The following HHIP variants were observed in gnomAD, a reference collection of about 807,000 sequenced individuals.
HHIP encodes hedgehog-interacting protein.
In HHIP, 12 loss-of-function variants were observed where a neutral mutation model predicts 74.0. The observed-to-expected ratio is 0.16, with a 90% CI of 0.10 to 0.26. HHIP has a LOEUF of 0.26. Among genes scored for constraint, HHIP ranks in the 10% least tolerant of loss-of-function variants. The probability of loss-of-function intolerance (pLI) is 1.00; values close to 1 mark genes in which losing one functional copy is unlikely to be tolerated. For missense variants in HHIP, 788 were observed against 845.0 expected, an observed-to-expected ratio of 0.93 and a Z score of 0.84; for synonymous variants, 309 against 311.6, an observed-to-expected ratio of 0.99 and a Z score of 0.09.
chr4:144,682,236 G>A (rs896164986), intron 4 of HHIP, among the ~76,000 whole-genome samples: 4 of 152,218 alleles, frequency 2.6e-5, no homozygotes, highest in Non-Finnish European at 5.9e-5. Flanking sequence ...GCAGGACAGC[G>A]AAAACTTCTC....
At chr4:144,716,972 C>T (rs1347846180) in intron 10 of HHIP, among the ~76,000 whole-genome samples, 2 of 142,968 alleles carry the variant, frequency 1.4e-5, no homozygotes, top group Non-Finnish European at 3.0e-5. Flanking sequence ...GACCTTGCTA[C>T]AAATGATTCA....
intron 4 of HHIP, among the ~76,000 whole-genome samples, chr4:144,688,581 T>C (rs1274969789): frequency 6.6e-6 from 1 of 152,224 alleles, no homozygotes; most frequent in Non-Finnish European, 1.5e-5. Flanking sequence ...TGCCTTCTAA[T>C]GTATTTAAAT....
At position 144,652,763 on chromosome 4, in the gene HHIP, A is replaced by C; in HGVS notation, c.438A>C (p.Lys146Asn). 1 of 1,602,232 alleles carries C rather than the reference A, an allele frequency of 6.2e-7. No homozygotes were observed. The highest frequency in any genetic ancestry group is 1.8e-5 in the Admixed American group (1 of 56,414). ...VLPLLCKDYC[K>N]EFFYTCRGHI... The stretch of plus-strand genomic sequence containing the variant: ...CTCTGCTCTGCAAAGACTATTGCAA[A>C]GAATTCTTTTACACTTGCCGAGGCC... The change falls in exon 2 of 13, where the codon AAA (lysine) becomes AAC (asparagine). Residue 146 changes from lysine to asparagine, a missense_variant. This residue lies in a region of HHIP where 373 missense variants were observed against 366.4 expected (regional missense o/e 1.02). Coordinates refer to ENST00000296575, the MANE Select transcript of HHIP (RefSeq NM_022475.3).
chr4:144,652,854 A>T (rs1032112988), intron 2 of HHIP, 57 bp downstream of exon 2: 1 of 1,136,100 alleles, frequency 8.8e-7, no homozygotes, highest in Non-Finnish European at 1.2e-6. Context: ...CTTGTAAGAT[A>T]CTTGTACTTA....
chr4:144,706,243 TC>T (rs1390572754), intron 4 of HHIP, among the ~76,000 whole-genome samples: 1 of 152,174 alleles, frequency 6.6e-6, no homozygotes, highest in Non-Finnish European at 1.5e-5. Flanking sequence ...CTTAAACTTG[TC>T]CTCCTAGCGG....
chr4:144,653,322 A>C (rs1200284876), intron 2 of HHIP, among the ~76,000 whole-genome samples: 1 of 152,152 alleles, frequency 6.6e-6, no homozygotes, highest in African/African-American at 2.4e-5. Context: ...GCTAGGTAGG[A>C]AGAGTGGAGT....
At position 144,652,784 on chromosome 4, in the gene HHIP, A is replaced by T; in HGVS notation, c.459A>T (p.Arg153=). ...GCAAAGAATTCTTTTACACTTGCCG[A>T]GGCCATATTCCAGGTAAGAAAAAAA... ...DYCKEFFYTC[R]GHIPGFLQTT... Residue 153 remains arginine (R), a synonymous_variant, in exon 2 of 13, where the codon CGA becomes CGT. Coordinates refer to ENST00000296575, the MANE Select transcript of HHIP (RefSeq NM_022475.3). The T allele has an allele frequency of 6.3e-7, 1 of 1,590,388 alleles. No individual in the cohort carries two copies. Among genetic ancestry groups the T allele is most frequent in the Non-Finnish European group, 8.5e-7 (1 of 1,172,088 alleles).
At chr4:144,653,044 A>G (rs1844428) in intron 2 of HHIP, among the ~76,000 whole-genome samples, 15,944 of 152,164 alleles carry the variant, frequency 0.1, 918 homozygotes, top group Middle Eastern at 0.17. Flanking sequence ...TAAGCTGGTA[A>G]TAACAGCTTA....
intron 11 of HHIP, among the ~76,000 whole-genome samples, chr4:144,723,071 A>T (rs891584549): frequency 6.6e-6 from 1 of 152,080 alleles, no homozygotes; most frequent in African/African-American, 2.4e-5. Flanking sequence ...CTTAAACCAA[A>T]TGACTTTTTT....
At chr4:144,715,250 T>C in intron 9 of HHIP, 50 bp from the exon 10 acceptor site, 1 of 1,554,912 alleles carries the variant, frequency 6.4e-7, no homozygotes, top group Non-Finnish European at 8.8e-7. Flanking sequence ...TTGTCATCAA[T>C]AAACAAAAGT....
At chr4:144,679,147 T>C (rs1481060202) in intron 4 of HHIP, among the ~76,000 whole-genome samples, 1 of 152,208 alleles carries the variant, frequency 6.6e-6, no homozygotes, top group East Asian at 1.9e-4. Context: ...TTAGTTTTTT[T>C]TTTCTATGTT....
intron 11 of HHIP, among the ~76,000 whole-genome samples, chr4:144,721,841 T>G (rs567763526): frequency 6.2e-4 from 94 of 150,830 alleles, no homozygotes; most frequent in Non-Finnish European, 1.1e-3. Flanking sequence ...AGGAGGAGGT[T>G]GCAGTGAATC....
intron 10 of HHIP, among the ~76,000 whole-genome samples, chr4:144,717,881 G>T (rs6815058): frequency 0.57 from 86,272 of 151,912 alleles, 24,728 homozygotes; most frequent in South Asian, 0.76. Flanking sequence ...CCTCAAATTA[G>T]CAATTAACGG....
Position 144,658,789 on chromosome 4 carries a change from G to C in HHIP, c.473-1G>C, listed in dbSNP as rs1437429808. The C allele has an allele frequency of 1.2e-6, 2 of 1,608,718 alleles. No homozygotes were observed. Among genetic ancestry groups the C allele is most frequent in the Non-Finnish European group, 1.7e-6 (2 of 1,177,362 alleles). ...AATGAGTCTTTTTATATTTTTTAAA[G>C]GTTTCCTTCAAACAACTGCGGATGA... On this transcript the variant is annotated splice_acceptor_variant, in intron 2 of 12. Transcript: ENST00000296575. LOFTEE classifies it high-confidence loss of function.
At chr4:144,720,834 G>T (rs1356423881) in intron 11 of HHIP, among the ~76,000 whole-genome samples, 1 of 152,082 alleles carries the variant, frequency 6.6e-6, no homozygotes. Flanking sequence ...GCCTCATGCT[G>T]TTTTGATTTG....
rs533568913 is a variant in HHIP at position 144,741,501 on chromosome 4, T to A, written c.*3544T>A. 4 of 149,318 alleles carry A rather than the reference T, an allele frequency of 2.7e-5. No individual in the cohort carries two copies. In the East Asian group the frequency reaches 6.2e-4, roughly 23 times the overall value. 9.2% of individuals were successfully genotyped at this position (149,318 alleles called of 1,614,324 possible). ...TTCAAGCAATTCTCCTGCCTCAGCC[T>A]CCCAAGTAGCTGGGATTACAGGTGC... On this transcript the variant is annotated 3_prime_UTR_variant, in exon 13 of 13. Transcript: ENST00000296575.
At chr4:144,729,322 G>T (rs1284042021) in intron 11 of HHIP, among the ~76,000 whole-genome samples, 1 of 152,188 alleles carries the variant, frequency 6.6e-6, no homozygotes, top group Admixed American at 6.6e-5. Context: ...TTAAACCATA[G>T]AATCTGCTGT....
At chr4:144,737,117 T>C (rs1302336490) in intron 12 of HHIP, among the ~76,000 whole-genome samples, 1 of 152,238 alleles carries the variant, frequency 6.6e-6, no homozygotes, top group African/African-American at 2.4e-5. Flanking sequence ...ATGAATAAAT[T>C]CTGTGCTGTA....
intron 4 of HHIP, among the ~76,000 whole-genome samples, chr4:144,692,586 A>T (rs796872606): frequency 5.9e-5 from 9 of 152,238 alleles, no homozygotes; most frequent in African/African-American, 1.9e-4. Flanking sequence ...TCTGAATTAG[A>T]TTCCCCCTGA....
Sources: gnomAD v4.1 joint callset for allele counts (sites outside exome capture counted in the v4.1 genomes callset) on GRCh38, gnomAD v4.1.1 for gene constraint, gnomAD v4.1.1 regional missense constraint, MANE v1.5 for transcripts, NCBI Gene and HGNC (gene_info 2026-07-23, HGNC 2026-07-21) for gene names.